PHF21A: variants seen among roughly 807,000 people sequenced by gnomAD.
PHF21A encodes the protein PHD finger protein 21A, also known as BHC80a.
Under a neutral mutation model 82.5 loss-of-function variants are expected in PHF21A, and 11 were observed. That is an observed-to-expected ratio of 0.13 (90% CI 0.08 to 0.22). The LOEUF (loss-of-function observed/expected upper bound fraction) is 0.22, where lower values mean the gene tolerates loss of function less well. Among genes scored for constraint, PHF21A ranks in the 10% least tolerant of loss-of-function variants. The probability of loss-of-function intolerance (pLI) is 1.00; values close to 1 mark genes in which losing one functional copy is unlikely to be tolerated. For synonymous variants in PHF21A, 297 were observed against 302.8 expected (o/e 0.98, Z 0.20); for missense variants, 579 against 837.8 (o/e 0.69, Z 3.81).
At chr11:46,038,324 C>T (rs775307659) in intron 6 of PHF21A, among the ~76,000 whole-genome samples, 1 of 152,072 alleles carries the variant, frequency 6.6e-6, no homozygotes, top group Non-Finnish European at 1.5e-5. Context: ...TACGGGGTTT[C>T]ACCATGTTGG....
At chr11:45,975,066 C>T (rs2093960967) in intron 7 of PHF21A, among the ~76,000 whole-genome samples, 1 of 152,094 alleles carries the variant, frequency 6.6e-6, no homozygotes, top group Admixed American at 6.6e-5. Flanking sequence ...ATAATCCCAG[C>T]ACTTTGGGAG....
chr11:46,014,107 G>A (rs2095467724), intron 6 of PHF21A, among the ~76,000 whole-genome samples: 1 of 152,096 alleles, frequency 6.6e-6, no homozygotes. Flanking sequence ...TTGATCCTGT[G>A]ACCCACATGG....
At chr11:45,949,103 A>G (rs1320072888) in intron 13 of PHF21A, among the ~76,000 whole-genome samples, 157 bp from the exon 14 acceptor site, 2 of 152,224 alleles carry the variant, frequency 1.3e-5, no homozygotes, top group African/African-American at 4.8e-5. Context: ...TATTGTATGT[A>G]CTTGGCTCTC....
chr11:46,048,017 T>A (rs960874785), intron 6 of PHF21A, among the ~76,000 whole-genome samples: 11 of 152,244 alleles, frequency 7.2e-5, no homozygotes, highest in Non-Finnish European at 1.5e-4. Flanking sequence ...ACACAATTCA[T>A]CCATCTGAAG....
chr11:45,997,370 C>T (rs2094944507), intron 6 of PHF21A, among the ~76,000 whole-genome samples: 1 of 152,086 alleles, frequency 6.6e-6, no homozygotes, highest in African/African-American at 2.4e-5. Context: ...CAGGACTATA[C>T]TTCTTAAAAT....
chr11:45,999,069 T>TG (rs2095024408), intron 6 of PHF21A, among the ~76,000 whole-genome samples: 1 of 151,892 alleles, frequency 6.6e-6, no homozygotes, highest in African/African-American at 2.4e-5. Context: ...TCAAGTGATC[T>TG]GCCCGCCTCA....
intron 10 of PHF21A, among the ~76,000 whole-genome samples, chr11:45,957,102 A>G (rs2092697229): frequency 1.3e-5 from 2 of 152,228 alleles, no homozygotes; most frequent in Admixed American, 1.3e-4. Flanking sequence ...TTATAATCAT[A>G]TATGTACCAG....
At chr11:46,113,455 T>TA (rs1207115810) in intron 1 of PHF21A, among the ~76,000 whole-genome samples, 2 of 152,162 alleles carry the variant, frequency 1.3e-5, no homozygotes, top group Non-Finnish European at 2.9e-5. Flanking sequence ...ACTTGATGAA[T>TA]AAAAAATATA....
At chr11:46,006,940 T>G (rs1457528205) in intron 6 of PHF21A, among the ~76,000 whole-genome samples, 1 of 152,220 alleles carries the variant, frequency 6.6e-6, no homozygotes, top group Non-Finnish European at 1.5e-5. Context: ...TCAGTAAAAT[T>G]TAAAGATAAC....
intron 11 of PHF21A, among the ~76,000 whole-genome samples, chr11:45,950,918 T>A (rs1000819312): frequency 1.3e-5 from 2 of 152,210 alleles, no homozygotes; most frequent in African/African-American, 4.8e-5. Flanking sequence ...TTTTCAGGAA[T>A]GACAGCAGGT....
rs368044954 is a variant in PHF21A, at chr11:46,121,181, A to ACTCACTCTCTCT, written c.-484_-483insAGAGAGAGTGAG. ...CTCTCCTCTCCTCTCTCTCTCACTC[A>ACTCACTCTCTCT]CTCTCTCTCTCTCTCTCTCTCTGGG... is the stretch of plus-strand genomic sequence containing the variant. On this transcript the variant is annotated 5_prime_UTR_variant, in exon 1 of 19. Coordinates refer to ENST00000676320, the MANE Select transcript of PHF21A (RefSeq NM_001352027.3). The ACTCACTCTCTCT allele has an allele frequency of 2.4e-5, 3 of 126,258 alleles. No individual in the cohort carries two copies. The highest frequency in any genetic ancestry group is 6.3e-5 in the African/African-American group (2 of 31,610). 7.8% of individuals were successfully genotyped at this position (126,258 alleles called of 1,614,324 possible). A position where few individuals can be genotyped will look rare whatever the true frequency, so the allele number is the denominator to read the frequency against.
intron 3 of PHF21A, among the ~76,000 whole-genome samples, chr11:46,088,515 T>C (rs1031860719): frequency 3.9e-5 from 6 of 152,158 alleles, no homozygotes; most frequent in Non-Finnish European, 7.3e-5. Context: ...CCATGGTATC[T>C]GGAAAGCACA....
chr11:46,081,829 T>C (rs1405802338), intron 4 of PHF21A, among the ~76,000 whole-genome samples: 1 of 152,248 alleles, frequency 6.6e-6, no homozygotes, highest in Non-Finnish European at 1.5e-5. Context: ...ATTTATATAT[T>C]GTCCGTGGCT....
chr11:46,090,509 A>G lies in PHF21A; in HGVS notation c.-138T>C, dbSNP rs538929676. On this transcript the variant is annotated 5_prime_UTR_variant, in exon 3 of 19. It removes an upstream start codon present in the reference 5' UTR. Coordinates refer to ENST00000676320, the MANE Select transcript of PHF21A (RefSeq NM_001352027.3). Reference sequence around the variant, plus strand: ...GAAGTATTCAAGAATGCTGCATATCATATCCCCCTCTTGGAGATTCACAAT... The same window carrying G: ...GAAGTATTCAAGAATGCTGCATATCGTATCCCCCTCTTGGAGATTCACAAT... The G allele has an allele frequency of 6.6e-6, 1 of 152,204 alleles. No individual in the cohort carries two copies. The highest frequency in any genetic ancestry group is 2.4e-5 in the African/African-American group (1 of 41,436). The allele number at this position is 152,204 out of a possible 1,614,324, so 9.4% of individuals were successfully genotyped here.
At chr11:46,103,942 C>A (rs959714743) in intron 1 of PHF21A, among the ~76,000 whole-genome samples, 1 of 152,090 alleles carries the variant, frequency 6.6e-6, no homozygotes, top group African/African-American at 2.4e-5. Flanking sequence ...CAATTATTTA[C>A]CCCAAAACTC....
At chr11:45,943,649 A>C (rs1043031740) in intron 15 of PHF21A, among the ~76,000 whole-genome samples, 3 of 152,242 alleles carry the variant, frequency 2.0e-5, no homozygotes, top group African/African-American at 7.2e-5. Flanking sequence ...GCAAGCAAGA[A>C]TCATTAAAGG....
intron 6 of PHF21A, among the ~76,000 whole-genome samples, chr11:46,037,846 T>C (rs1223202912): frequency 6.6e-6 from 1 of 152,036 alleles, no homozygotes; most frequent in East Asian, 1.9e-4. Context: ...AGTAAGAGCT[T>C]TATCTCAAGA....
At chr11:45,951,748 GTTTAGATCAAGCTCATAAAATAA>G (rs1036017839) in intron 11 of PHF21A, among the ~76,000 whole-genome samples, 1 of 151,332 alleles carries the variant, frequency 6.6e-6, no homozygotes, top group Non-Finnish European at 1.5e-5. Context: ...ATCTTTGCCA[GTTTAGATCAAGCTCATAAAATAA>G]TTAAGTGAAA....
chr11:46,017,251 G>A (rs1194088252), intron 6 of PHF21A, among the ~76,000 whole-genome samples: 7 of 152,160 alleles, frequency 4.6e-5, no homozygotes, highest in African/African-American at 7.2e-5. Flanking sequence ...GATTACAGGC[G>A]TGAGCCACCA....
Sources: allele counts gnomAD v4.1 joint callset (sites outside exome capture counted in the v4.1 genomes callset), GRCh38; gene constraint gnomAD v4.1.1; transcripts MANE v1.5; gene names NCBI Gene and HGNC (gene_info 2026-07-23, HGNC 2026-07-21).